The following FUT8 variants were observed in gnomAD, a reference collection of about 807,000 sequenced individuals.
FUT8 encodes the protein alpha-(1,6)-fucosyltransferase.
In FUT8, 29 loss-of-function variants were observed where a neutral mutation model predicts 71.3. The ratio of observed to expected loss-of-function variants is 0.41; its 90% confidence interval spans 0.30 to 0.55. FUT8 has a LOEUF of 0.55. Among genes scored for constraint, FUT8 ranks in the 20% least tolerant of loss-of-function variants. The pLI is 0.34. For synonymous variants in FUT8, 254 were observed against 239.3 expected, an observed-to-expected ratio of 1.06 and a Z score of -0.57; for missense variants, 544 against 702.1, an observed-to-expected ratio of 0.77 and a Z score of 2.55.
At chr14:65,419,082 G>T (rs915492089) in intron 1 of FUT8, among the ~76,000 whole-genome samples, 7 of 152,070 alleles carry the variant, frequency 4.6e-5, no homozygotes, top group African/African-American at 1.7e-4. Flanking sequence ...TACAAAATTA[G>T]TCGGGCATGG....
intron 3 of FUT8, among the ~76,000 whole-genome samples, chr14:65,613,827 T>A (rs1398423424): frequency 6.6e-6 from 1 of 152,078 alleles, no homozygotes; most frequent in African/African-American, 2.4e-5. Context: ...CAAAAGGCTA[T>A]GTTGGCTGGG....
chr14:65,502,518 C>T (rs1046077261), intron 2 of FUT8, among the ~76,000 whole-genome samples: 5 of 152,164 alleles, frequency 3.3e-5, no homozygotes, highest in Admixed American at 2.6e-4. Context: ...AGCCACCGTG[C>T]CCGGCCCGGG....
At position 65,705,439 on chromosome 14, in the gene FUT8, C is replaced by T. The variant is rs577439924; in HGVS notation, c.836-16336C>T. 2.6e-5 allele frequency among the ~76,000 whole-genome samples: 4 copies of T among 152,174 alleles called. No homozygotes were observed. The South Asian group carries it at 8.3e-4, about 32-fold the overall frequency. On this transcript the variant is annotated intron_variant, in intron 7 of 10. Coordinates refer to ENST00000673929, the MANE Select transcript of FUT8 (RefSeq NM_001371533.1). Reference sequence around the variant, plus strand: ...ATTTTAAATGGCCGTCTTTTGTGTCCAAGTTAAATTTAAAAAGCTCCCTCA... The same window carrying T: ...ATTTTAAATGGCCGTCTTTTGTGTCTAAGTTAAATTTAAAAAGCTCCCTCA...
Position 65,674,084 on chromosome 14 carries a change from T to C in FUT8, c.835+4604T>C, listed in dbSNP as rs529366707. 3.3e-5 allele frequency among the ~76,000 whole-genome samples: 5 copies of C among 152,240 alleles called. No individual in the cohort carries two copies. The South Asian group carries it at 1.0e-3, about 32-fold the overall frequency. On this transcript the variant is annotated intron_variant, in intron 7 of 10. Coordinates refer to ENST00000673929, the MANE Select transcript of FUT8 (RefSeq NM_001371533.1). ...AGGTAGACTAATTTATAAACTGATA[T>C]TAAGCAATAATGTGATTAAGAATAT...
chr14:65,402,660 C>T, the FUT8 span, among the ~76,000 whole-genome samples: 4 of 90,122 alleles, frequency 4.4e-5, no homozygotes, highest in Admixed American at 2.3e-4. Context: ...AGTGAGACTC[C>T]GTCTAAAGCA....
At chr14:65,579,304 C>G (rs1411714103) in intron 3 of FUT8, among the ~76,000 whole-genome samples, 2 of 152,104 alleles carry the variant, frequency 1.3e-5, no homozygotes, top group Non-Finnish European at 2.9e-5. Context: ...GGTTTATTAG[C>G]CTATAGATAA....
At chr14:65,552,988 C>T (rs1885374742) in intron 2 of FUT8, among the ~76,000 whole-genome samples, 1 of 152,178 alleles carries the variant, frequency 6.6e-6, no homozygotes, top group Admixed American at 6.5e-5. Flanking sequence ...CAGGGTCTTG[C>T]TCTGTCACCC....
intron 1 of FUT8, among the ~76,000 whole-genome samples, chr14:65,450,646 C>A (rs1395293024): frequency 6.6e-6 from 1 of 152,026 alleles, no homozygotes. Context: ...CAGTTTGTAT[C>A]TTTTCTAAAA....
chr14:65,654,657 C>A (rs547787902), intron 6 of FUT8, among the ~76,000 whole-genome samples: 1 of 151,072 alleles, frequency 6.6e-6, no homozygotes, highest in Admixed American at 6.6e-5. Flanking sequence ...TTACAGGAAC[C>A]ATTTCTGTAG....
At chr14:65,545,579 T>G (rs574224059) in intron 2 of FUT8, among the ~76,000 whole-genome samples, 2 of 152,010 alleles carry the variant, frequency 1.3e-5, no homozygotes, top group South Asian at 4.1e-4. Context: ...TTTTTCAGTT[T>G]ATTCTATTAT....
chr14:65,650,040 T>C (rs1268838260), intron 6 of FUT8, among the ~76,000 whole-genome samples: 4 of 152,128 alleles, frequency 2.6e-5, no homozygotes, highest in Non-Finnish European at 4.4e-5. Flanking sequence ...CTCACGCCTG[T>C]AATGCCAGCA....
chr14:65,617,294 G>T (rs1889338381), intron 5 of FUT8: 2 of 1,263,842 alleles, frequency 1.6e-6, no homozygotes, highest in South Asian at 3.7e-5. Context: ...TCTGTCTATT[G>T]GAATCATTTT....
intron 7 of FUT8, among the ~76,000 whole-genome samples, chr14:65,720,998 C>T (rs1895387188): frequency 6.6e-6 from 1 of 152,110 alleles, no homozygotes; most frequent in South Asian, 2.1e-4. Flanking sequence ...TTCTTTGCAC[C>T]ACACGGCCAC....
chr14:65,683,064 A>G (rs1205070445), intron 7 of FUT8, among the ~76,000 whole-genome samples: 1 of 147,666 alleles, frequency 6.8e-6, no homozygotes, highest in Non-Finnish European at 1.5e-5. Flanking sequence ...CCTAGGCTGG[A>G]GTGCAGTGGC....
chr14:65,396,411 A>G, the FUT8 span, among the ~76,000 whole-genome samples: 1 of 152,222 alleles, frequency 6.6e-6, no homozygotes, highest in African/African-American at 2.4e-5. This position sits in a 1 kb window ranked among gnomAD's most constrained non-coding sequence, Gnocchi z 5.5. Flanking sequence ...CCTCACAATC[A>G]TGGCAGAAGG....
the FUT8 span, among the ~76,000 whole-genome samples, chr14:65,372,600 A>G: frequency 6.6e-6 from 1 of 152,008 alleles, no homozygotes; most frequent in Non-Finnish European, 1.5e-5. Flanking sequence ...CATTTTTAGT[A>G]GAGACGGGGT....
chr14:65,698,828 T>A (rs1207642015), intron 7 of FUT8, among the ~76,000 whole-genome samples: 1 of 152,210 alleles, frequency 6.6e-6, no homozygotes, highest in Non-Finnish European at 1.5e-5. Context: ...TTGCCTGCAA[T>A]AGTGGTAGTT....
At chr14:65,601,680 A>G (rs2140170978) in intron 3 of FUT8, among the ~76,000 whole-genome samples, 1 of 152,182 alleles carries the variant, frequency 6.6e-6, no homozygotes, top group East Asian at 1.9e-4. Context: ...AATAAAAGAC[A>G]TGCTATATAA....
At chr14:65,658,000 C>T (rs977487629) in intron 6 of FUT8, among the ~76,000 whole-genome samples, 20 of 152,062 alleles carry the variant, frequency 1.3e-4, no homozygotes, top group African/African-American at 4.3e-4. Context: ...TTTTTACTTA[C>T]CAGCAACCCC....
Sources: allele counts gnomAD v4.1 joint callset (sites outside exome capture counted in the v4.1 genomes callset), GRCh38; gene constraint gnomAD v4.1.1; non-coding constraint Gnocchi (gnomAD v3.1); transcripts MANE v1.5; gene names NCBI Gene and HGNC (gene_info 2026-07-23, HGNC 2026-07-21).